TBP: variants seen among roughly 807,000 people sequenced by gnomAD.
The protein encoded by TBP is TATA-box-binding protein.
A neutral mutation model predicts 46.2 loss-of-function variants in TBP; 12 were observed. The observed-to-expected ratio is 0.26, with a 90% CI of 0.17 to 0.42. The LOEUF (loss-of-function observed/expected upper bound fraction) is 0.42, where lower values mean the gene tolerates loss of function less well. TBP is among the 10% of genes least tolerant of loss of function. The pLI, the probability that TBP is intolerant of heterozygous loss-of-function variation, is 1.00. For missense variants in TBP, 229 were observed against 403.1 expected (o/e 0.57, Z 3.70); for synonymous variants, 157 against 148.3 (o/e 1.06, Z -0.42).
At chr6:170,556,708 C>T (rs539705418) in intron 1 of TBP, among the ~76,000 whole-genome samples, 174 bp from the exon 2 acceptor site, 7 of 152,198 alleles carry the variant, frequency 4.6e-5, no homozygotes, top group Admixed American at 6.5e-5. Flanking sequence ...TACATGCAAT[C>T]GCCGGAAACA....
Position 170,566,953 on chromosome 6 carries a change from A to T in TBP, c.621A>T (p.Pro207=), listed in dbSNP as rs1167046285. ...CGGTAATCATGAGGATAAGAGAGCCACGAACCACGGCACTGATTTTCAGTT... is the reference window on the plus strand; with the variant it reads ...CGGTAATCATGAGGATAAGAGAGCCTCGAACCACGGCACTGATTTTCAGTT... ...FAAVIMRIRE[P]RTTALIFSSG... Residue 207 remains proline (P), a synonymous_variant, in exon 5 of 8, where the codon CCA becomes CCT. Transcript: ENST00000392092. The T allele has an allele frequency of 6.2e-7, 1 of 1,613,822 alleles. No homozygotes were observed. Among genetic ancestry groups the T allele is most frequent in the Non-Finnish European group, 8.5e-7 (1 of 1,179,826 alleles).
intron 1 of TBP, among the ~76,000 whole-genome samples, chr6:170,556,352 A>ATCTT (rs1426314105): frequency 4.7e-5 from 6 of 126,494 alleles, no homozygotes; most frequent in African/African-American, 1.7e-4. Flanking sequence ...TCAGGGCTTT[A>ATCTT]TCTTTGTGCG....
In TBP at chr6:170,572,317, A is replaced by G. The variant is rs1296476302; in HGVS notation, c.*52A>G. The G allele has an allele frequency of 7.1e-7, 1 of 1,402,314 alleles. No homozygotes were observed. The highest frequency in any genetic ancestry group is 1.0e-6 in the Non-Finnish European group (1 of 1,003,938). The allele number at this position is 1,402,314 out of a possible 1,614,324, so 86.9% of individuals were successfully genotyped here. Reference sequence around the variant, plus strand: ...CACCCCCTTCTTTTTTTTTTTTTAAACAAATCAGTTTGTTTTGGTACCTTT... The same window carrying G: ...CACCCCCTTCTTTTTTTTTTTTTAAGCAAATCAGTTTGTTTTGGTACCTTT... On this transcript the variant is annotated 3_prime_UTR_variant, in exon 8 of 8. Transcript: ENST00000392092.
At position 170,562,133 on chromosome 6, in the gene TBP, C is replaced by G. The variant is rs1779161699; in HGVS notation, c.397C>G (p.Pro133Ala). The stretch of plus-strand genomic sequence containing the variant: ...ACAGACTCTCACAACTGCACCCTTG[C>G]CGGGCACCACTCCACTGTATCCCTC... ...HSQTLTTAPLPGTTPLYPSPM... is the reference protein window; with the variant it reads ...HSQTLTTAPLAGTTPLYPSPM... The change falls in exon 3 of 8, where the codon CCG becomes GCG. Residue 133 changes from proline to alanine, a missense_variant. By Grantham distance (27) the Pro-to-Ala change is conservative. Around this residue, in one of 4 missense-constraint regions of TBP, gnomAD observed 69 missense variants for 66.2 expected, o/e 1.04. Coordinates refer to ENST00000392092, the MANE Select transcript of TBP (RefSeq NM_003194.5). 1 of 1,614,160 alleles carries G rather than the reference C, an allele frequency of 6.2e-7. No individual in the cohort carries two copies. Among genetic ancestry groups the G allele is most frequent in the East Asian group, 2.2e-5 (1 of 44,872 alleles).
chr6:170,556,786 T>C, intron 1 of TBP, 96 bp from the exon 2 acceptor site: 1 of 368,498 alleles, frequency 2.7e-6, no homozygotes, highest in East Asian at 4.0e-5. Flanking sequence ...TCATTGGTTT[T>C]CATGTTTGTG....
rs753451807 is a variant in TBP, at chr6:170,561,916, GCAA to G, written c.189_191del (p.Gln95del). 2.6e-5 allele frequency: 25 copies of G among 959,218 alleles called. No individual in the cohort carries two copies. Among genetic ancestry groups the G allele is most frequent in the East Asian group, 2.0e-4 (8 of 39,722 alleles). The allele number at this position is 959,218 out of a possible 1,614,324, so 59.4% of individuals were successfully genotyped here. A position where few individuals can be genotyped will look rare whatever the true frequency, so the allele number is the denominator to read the frequency against. Reference sequence around the variant, plus strand: ...TGGAAGAGCAACAAAGGCAGCAGCAGCAACAACAACAGCAGCAGCAGCAGCAGC... The same window carrying G: ...TGGAAGAGCAACAAAGGCAGCAGCAGCAACAACAGCAGCAGCAGCAGCAGC... On this transcript the variant is annotated inframe_deletion, in exon 3 of 8. Transcript: ENST00000392092.
At chr6:170,561,613 T>C (rs1779139099) in intron 2 of TBP, among the ~76,000 whole-genome samples, 178 bp from the exon 3 acceptor site, 1 of 152,226 alleles carries the variant, frequency 6.6e-6, no homozygotes, top group African/African-American at 2.4e-5. Context: ...CTGTGTGGTA[T>C]TAAAGAAGAA....
intron 2 of TBP, among the ~76,000 whole-genome samples, chr6:170,559,983 G>A (rs966314692): frequency 9.2e-5 from 14 of 152,200 alleles, no homozygotes; most frequent in African/African-American, 3.1e-4. Flanking sequence ...ATGAGAGCAC[G>A]TCTGTTTACA....
rs1206466089 is a variant in TBP at position 170,569,736 on chromosome 6, A to G, written c.802A>G (p.Ile268Val). 8 of 1,613,974 alleles carry G rather than the reference A, an allele frequency of 5.0e-6. No individual in the cohort carries two copies. The highest frequency in any genetic ancestry group is 5.9e-6 in the Non-Finnish European group (7 of 1,180,018). ...MVGSCDVKFP[I>V]RLEGLVLTHQ... Reference sequence around the variant, plus strand: ...GGGGAGCTGTGATGTGAAGTTTCCTATAAGGTTAGAAGGCCTTGTGCTCAC... The same window carrying G: ...GGGGAGCTGTGATGTGAAGTTTCCTGTAAGGTTAGAAGGCCTTGTGCTCAC... Residue 268 changes from isoleucine (I) to valine (V), a missense_variant, in exon 6 of 8, where the codon ATA (isoleucine) becomes GTA (valine). Transcript: ENST00000392092.
intron 5 of TBP, among the ~76,000 whole-genome samples, chr6:170,568,910 T>TC (rs1250896006): frequency 7.0e-6 from 1 of 142,878 alleles, no homozygotes; most frequent in Non-Finnish European, 1.5e-5. Context: ...CCTCCCAGGT[T>TC]CAAGTGATTC....
intron 4 of TBP, among the ~76,000 whole-genome samples, chr6:170,565,884 G>A (rs1430124068): frequency 1.3e-5 from 2 of 152,108 alleles, no homozygotes; most frequent in Non-Finnish European, 2.9e-5. Context: ...ACGAGCCTGG[G>A]CAACATAGCA....
chr6:170,561,741 A>G (rs1554245871), intron 2 of TBP, 50 bp from the exon 3 acceptor site: 4 of 1,576,368 alleles, frequency 2.5e-6, no homozygotes, highest in Non-Finnish European at 2.6e-6. Context: ...AAGTTCCACA[A>G]ACACTTAGCA....
intron 3 of TBP, among the ~76,000 whole-genome samples, chr6:170,564,082 ACTTT>A (rs1779198625): frequency 6.6e-6 from 1 of 152,018 alleles, no homozygotes; most frequent in Non-Finnish European, 1.5e-5. Flanking sequence ...AAAGATACTT[ACTTT>A]GAGAGAACTG....
intron 5 of TBP, among the ~76,000 whole-genome samples, chr6:170,568,208 T>G (rs1779300584): frequency 6.6e-6 from 1 of 152,182 alleles, no homozygotes; most frequent in East Asian, 1.9e-4. Context: ...TTCCCCTGCA[T>G]GGAACATCAG....
chr6:170,561,997 G>C lies in TBP; in HGVS notation c.261G>C (p.Gln87His). ...QQQQQQQQQQ[Q>H]QQQQQQQQAV... ...AGCAGCAGCAGCAGCAGCAGCAGCA[G>C]CAGCAGCAGCAGCAGCAGCAACAGG... is the stretch of plus-strand genomic sequence containing the variant. Residue 87 changes from glutamine (Q) to histidine (H), a missense_variant, in exon 3 of 8, where the codon CAG (glutamine) becomes CAC (histidine). Gln to His is a conservative substitution (Grantham distance 24, BLOSUM62 0). Around this residue, in one of 4 missense-constraint regions of TBP, gnomAD observed 69 missense variants for 66.2 expected, o/e 1.04. Coordinates refer to ENST00000392092, the MANE Select transcript of TBP (RefSeq NM_003194.5). 1 of 1,595,994 alleles carries C rather than the reference G, an allele frequency of 6.3e-7. No individual in the cohort carries two copies. The highest frequency in any genetic ancestry group is 8.6e-7 in the Non-Finnish European group (1 of 1,167,860).
chr6:170,564,645 T>C lies in TBP; in HGVS notation c.585+13T>C. 18 of 1,574,054 alleles carry C rather than the reference T, an allele frequency of 1.1e-5. No homozygotes were observed. The highest frequency in any genetic ancestry group is 1.6e-5 in the Non-Finnish European group (18 of 1,156,080). The stretch of plus-strand genomic sequence containing the variant: ...ATATAATCCCAAGGTTAGATCTATT[T>C]TAATGTATTTCTTTTTTTTTTCTTT... On this transcript the variant is annotated intron_variant, in intron 4 of 7. Coordinates refer to ENST00000392092, the MANE Select transcript of TBP (RefSeq NM_003194.5).
chr6:170,557,644 G>A (rs73256671), intron 2 of TBP, among the ~76,000 whole-genome samples: 1 of 146,154 alleles, frequency 6.8e-6, no homozygotes, highest in African/African-American at 2.5e-5. Flanking sequence ...CTGAGGCAAG[G>A]AGAATTGCTT....
intron 2 of TBP, among the ~76,000 whole-genome samples, chr6:170,557,734 T>TCAA (rs1779056298): frequency 6.7e-5 from 1 of 14,916 alleles, no homozygotes; most frequent in Non-Finnish European, 1.3e-4. Context: ...AGACTCTGTC[T>TCAA]CAAAAAAAAA....
chr6:170,563,596 T>G (rs1779189135), intron 3 of TBP, among the ~76,000 whole-genome samples: 1 of 152,200 alleles, frequency 6.6e-6, no homozygotes, highest in East Asian at 1.9e-4. Context: ...AAAACATTCA[T>G]TGTGTGGATC....
Sources: allele counts gnomAD v4.1 joint callset (sites outside exome capture counted in the v4.1 genomes callset), GRCh38; gene constraint gnomAD v4.1.1; regional missense constraint gnomAD v4.1.1; transcripts MANE v1.5; gene names NCBI Gene and HGNC (gene_info 2026-07-23, HGNC 2026-07-21).